ITPR1: variants seen among roughly 807,000 people sequenced by gnomAD.
ITPR1 encodes the protein inositol 1,4,5-trisphosphate-gated calcium channel ITPR1.
Under a neutral mutation model 318.4 loss-of-function variants are expected in ITPR1, and 96 were observed. The ratio of observed to expected loss-of-function variants is 0.30; its 90% CI spans 0.26 to 0.36. ITPR1 has a LOEUF of 0.36. Among genes scored for constraint, ITPR1 ranks in the 10% least tolerant of loss-of-function variants. The probability of loss-of-function intolerance (pLI) is 1.00; values close to 1 mark genes in which losing one functional copy is unlikely to be tolerated. For missense variants in ITPR1, 2,440 were observed against 3,460.2 expected (o/e 0.71, Z 7.40); for synonymous variants, 1,312 against 1,289.9 (o/e 1.02, Z -0.37).
intron 44 of ITPR1, among the ~76,000 whole-genome samples, chr3:4,744,099 G>T (rs528017953): frequency 1.3e-5 from 2 of 152,318 alleles, no homozygotes; most frequent in South Asian, 2.1e-4. Context: ...GCCTCCCAAA[G>T]TGCTGGGATT....
At chr3:4,546,811 A>G (rs1309406867) in intron 4 of ITPR1, among the ~76,000 whole-genome samples, 1 of 139,458 alleles carries the variant, frequency 7.2e-6, no homozygotes, top group African/African-American at 2.7e-5. Flanking sequence ...CTGCATTCTG[A>G]TGAAATCTTG....
intron 60 of ITPR1, among the ~76,000 whole-genome samples, chr3:4,819,337 A>G (rs1430710844): frequency 6.6e-6 from 1 of 152,204 alleles, no homozygotes. Context: ...AGGTCCTTAG[A>G]GTTGAATTCC....
At chr3:4,564,031 T>G (rs772400560) in intron 4 of ITPR1, among the ~76,000 whole-genome samples, 2 of 151,758 alleles carry the variant, frequency 1.3e-5, no homozygotes, top group Non-Finnish European at 2.9e-5. Context: ...AACCTCCACC[T>G]CCGGGGTTCA....
At position 4,681,431 on chromosome 3, in the gene ITPR1, T is replaced by C; in HGVS notation, c.3161+13T>C. On this transcript the variant is annotated intron_variant, in intron 26 of 61. Transcript: ENST00000649015. Reference sequence around the variant, plus strand: ...TCTTTGGAGGAAGGAAAGTATATTTTCAGTTACTGTTTTGTAGGGAAGGCT... The same window carrying C: ...TCTTTGGAGGAAGGAAAGTATATTTCCAGTTACTGTTTTGTAGGGAAGGCT... 1 of 1,593,472 alleles carries C rather than the reference T, an allele frequency of 6.3e-7. No homozygotes were observed. Among genetic ancestry groups the C allele is most frequent in the Non-Finnish European group, 8.6e-7 (1 of 1,161,378 alleles).
intron 60 of ITPR1, chr3:4,825,656 C>T (rs1450598346): frequency 6.7e-6 from 3 of 448,564 alleles, no homozygotes; most frequent in South Asian, 1.6e-5. Flanking sequence ...CAGAAAGCAA[C>T]GTGTTAACAA....
intron 60 of ITPR1, among the ~76,000 whole-genome samples, chr3:4,829,421 C>T (rs543054607): frequency 4.6e-5 from 7 of 151,112 alleles, no homozygotes; most frequent in South Asian, 2.1e-4. Flanking sequence ...CAACAAATTC[C>T]GGGTATGGAA....
At chr3:4,604,686 G>A (rs191884595) in intron 4 of ITPR1, among the ~76,000 whole-genome samples, 88 of 152,216 alleles carry the variant, frequency 5.8e-4, no homozygotes, top group Non-Finnish European at 5.4e-4. Flanking sequence ...GGGGCCCTGC[G>A]CAGAAGAGAA....
At chr3:4,684,726 G>T (rs544653104) in intron 29 of ITPR1, among the ~76,000 whole-genome samples, 2 of 152,312 alleles carry the variant, frequency 1.3e-5, no homozygotes, top group South Asian at 4.1e-4. Flanking sequence ...TGCGTACGCT[G>T]GTTCAAAGTT....
chr3:4,689,183 C>G (rs4685799), intron 31 of ITPR1, among the ~76,000 whole-genome samples: 1 of 151,650 alleles, frequency 6.6e-6, no homozygotes, highest in East Asian at 1.9e-4. Context: ...TCTCATTCTT[C>G]TGATGGCCAA....
At chr3:4,748,623 G>A (rs1245014755) in intron 44 of ITPR1, among the ~76,000 whole-genome samples, 1 of 152,132 alleles carries the variant, frequency 6.6e-6, no homozygotes, top group Non-Finnish European at 1.5e-5. Context: ...TGAAGGCTGG[G>A]ATGCACTGCA....
chr3:4,601,175 C>CTTTTTTTTTTTTT (rs68165287), intron 4 of ITPR1, among the ~76,000 whole-genome samples: 3 of 119,752 alleles, frequency 2.5e-5, no homozygotes, highest in Non-Finnish European at 1.7e-5. Context: ...GAAAAATATT[C>CTTTTTTTTTTTTT]TTTTTTTTTT....
intron 4 of ITPR1, among the ~76,000 whole-genome samples, chr3:4,606,547 G>T (rs2091716412): frequency 1.3e-5 from 2 of 152,036 alleles, no homozygotes; most frequent in South Asian, 4.1e-4. Flanking sequence ...GAGGACTTTG[G>T]TATGTAAAGG....
chr3:4,652,298 G>A (rs1272676040), intron 11 of ITPR1, 80 bp downstream of exon 11: 3 of 963,426 alleles, frequency 3.1e-6, no homozygotes, highest in East Asian at 5.2e-5. Context: ...TAGCCGTCGT[G>A]TTGTAAAAGG....
At chr3:4,608,963 T>A (rs58681254) in intron 4 of ITPR1, among the ~76,000 whole-genome samples, 1 of 133,526 alleles carries the variant, frequency 7.5e-6, no homozygotes, top group African/African-American at 2.9e-5. Context: ...GATCACGCAC[T>A]GCACTCCAGC....
rs578051224 is a variant in ITPR1 at position 4,783,872 on chromosome 3, C to T, written c.6567C>T (p.Asp2189=). 39 of 1,610,408 alleles carry T rather than the reference C, an allele frequency of 2.4e-5. No individual in the cohort carries two copies. The highest frequency in any genetic ancestry group is 1.7e-4 in the African/African-American group (13 of 74,864). ...QSMLKPGGQV[D]GDEALEFYAK... ...TGCTGAAACCTGGTGGCCAAGTGGA[C>T]GGAGATGAAGCCCTGGAGTTTTATG... is the stretch of plus-strand genomic sequence containing the variant. The change falls in exon 51 of 62, where the codon GAC becomes GAT. Residue 2189 remains aspartate (D), a synonymous_variant. Coordinates refer to ENST00000649015, the MANE Select transcript of ITPR1 (RefSeq NM_001378452.1).
intron 60 of ITPR1, among the ~76,000 whole-genome samples, chr3:4,830,077 G>A (rs1024893036): frequency 2.1e-5 from 3 of 145,744 alleles, no homozygotes; most frequent in African/African-American, 7.6e-5. Context: ...GGGTTCAAGC[G>A]ATTCTCCTGC....
intron 4 of ITPR1, among the ~76,000 whole-genome samples, chr3:4,543,355 G>A (rs1186872519): frequency 6.6e-6 from 1 of 152,146 alleles, no homozygotes; most frequent in African/African-American, 2.4e-5. Flanking sequence ...GGGTCAATCT[G>A]CTTAGGCTGG....
chr3:4,722,233 AAT>A (rs1374166194), intron 40 of ITPR1, among the ~76,000 whole-genome samples: 1 of 152,186 alleles, frequency 6.6e-6, no homozygotes, highest in Non-Finnish European at 1.5e-5. Context: ...TTGCAGAGTA[AAT>A]ATGAAGAGGC....
chr3:4,727,240 C>T, intron 42 of ITPR1, 67 bp downstream of exon 42: 1 of 1,168,394 alleles, frequency 8.6e-7, no homozygotes, highest in East Asian at 2.4e-5. Flanking sequence ...CCATCAGCCA[C>T]ACACTGTGAT....
Sources: allele counts gnomAD v4.1 joint callset (sites outside exome capture counted in the v4.1 genomes callset), GRCh38; gene constraint gnomAD v4.1.1; transcripts MANE v1.5; gene names NCBI Gene and HGNC (gene_info 2026-07-23, HGNC 2026-07-21).